Variants in SLC15A5 observed in about 807,000 individuals in gnomAD.
The protein encoded by SLC15A5 is Peptide/histidine transporter ENSP00000340402.
In SLC15A5, 58 loss-of-function variants were observed where a neutral mutation model predicts 56.1. That is an observed-to-expected ratio of 1.03 (90% confidence interval 0.84 to 1.29). The LOEUF (loss-of-function observed/expected upper bound fraction) is 1.29. Ranked by LOEUF, SLC15A5 falls within the 50% of genes most tolerant of loss-of-function variation. The probability of loss-of-function intolerance (pLI) is 0.00; values close to 1 mark genes in which losing one functional copy is unlikely to be tolerated. For synonymous variants in SLC15A5, 264 were observed against 250.5 expected (o/e 1.05, Z -0.51); for missense variants, 681 against 672.1 (o/e 1.01, Z -0.15).
chr12:16,273,580 T>A (rs1591664105), intron 1 of SLC15A5, among the ~76,000 whole-genome samples: 1 of 152,086 alleles, frequency 6.6e-6, no homozygotes, highest in South Asian at 2.1e-4. Flanking sequence ...TGTTTCATCT[T>A]GGAAAAACTT....
chr12:16,242,487 A>G (rs1864422875), intron 4 of SLC15A5, among the ~76,000 whole-genome samples: 1 of 152,212 alleles, frequency 6.6e-6, no homozygotes, highest in Admixed American at 6.5e-5. Flanking sequence ...ACAAGTTGCA[A>G]CTTAGTTTCT....
Position 16,217,029 on chromosome 12 carries a change from G to C in SLC15A5, c.1352-5C>G, listed in dbSNP as rs1388022386. The C allele has an allele frequency of 1.3e-6, 2 of 1,528,128 alleles. No individual in the cohort carries two copies. Among genetic ancestry groups the C allele is most frequent in the Non-Finnish European group, 1.7e-6 (2 of 1,144,300 alleles). The allele number at this position is 1,528,128 out of a possible 1,614,324, so 94.7% of individuals were successfully genotyped here. ...ATCTGTATGATATTACAGAGACTGA[G>C]AGAAAAAGAGAGGTCAGAATTTAGA... is the stretch of plus-strand genomic sequence containing the variant. On this transcript the variant is annotated splice_region_variant and splice_polypyrimidine_tract_variant and intron_variant, in intron 6 of 8. Transcript: ENST00000344941.
intron 2 of SLC15A5, among the ~76,000 whole-genome samples, chr12:16,268,601 C>G (rs943521935): frequency 3.9e-5 from 6 of 151,974 alleles, no homozygotes; most frequent in Non-Finnish European, 7.4e-5. Flanking sequence ...ATATTTTTTT[C>G]TCTCTCTTTT....
intron 7 of SLC15A5, among the ~76,000 whole-genome samples, chr12:16,208,848 C>T (rs1864048155): frequency 6.6e-6 from 1 of 152,084 alleles, no homozygotes; most frequent in South Asian, 2.1e-4. Flanking sequence ...ATAGGACATT[C>T]TTAAAGACCA....
At chr12:16,239,528 G>A (rs994182741) in intron 5 of SLC15A5, among the ~76,000 whole-genome samples, 153 bp downstream of exon 5, 3 of 152,148 alleles carry the variant, frequency 2.0e-5, no homozygotes, top group South Asian at 2.1e-4. Context: ...TAGAGATTTC[G>A]GAAGATGGGT....
intron 2 of SLC15A5, among the ~76,000 whole-genome samples, chr12:16,259,298 C>A (rs899113084): frequency 1.3e-5 from 2 of 151,322 alleles, no homozygotes; most frequent in Middle Eastern, 6.8e-3. Context: ...CTCCCCTTTT[C>A]TTTTTCCTTT....
chr12:16,248,668 A>G (rs1386038093), intron 3 of SLC15A5, among the ~76,000 whole-genome samples: 2 of 152,156 alleles, frequency 1.3e-5, no homozygotes, highest in Non-Finnish European at 2.9e-5. Flanking sequence ...TCTAAACATC[A>G]TACCACTTCC....
intron 7 of SLC15A5, among the ~76,000 whole-genome samples, chr12:16,207,599 A>C (rs566028896): frequency 6.6e-6 from 1 of 151,898 alleles, no homozygotes; most frequent in Admixed American, 6.5e-5. Flanking sequence ...ATCACTCTTC[A>C]TGATCACCAA....
intron 4 of SLC15A5, 141 bp from the exon 5 acceptor site, chr12:16,240,008 A>G (rs554046904): frequency 5.6e-5 from 41 of 730,016 alleles, no homozygotes; most frequent in Admixed American, 2.0e-4. Flanking sequence ...GTTCCCAGTT[A>G]TGAGCTGATA....
intron 7 of SLC15A5, among the ~76,000 whole-genome samples, chr12:16,195,210 T>TCTCTGCCTCTGTCTCTGTCCCTGC (rs1863882051): frequency 6.6e-6 from 1 of 152,052 alleles, no homozygotes; most frequent in South Asian, 2.1e-4. Context: ...TCTATCTCTG[T>TCTCTGCCTCTGTCTCTGTCCCTGC]CTCTGCCTCT....
intron 6 of SLC15A5, among the ~76,000 whole-genome samples, chr12:16,217,908 A>G (rs545745588): frequency 1.3e-5 from 2 of 152,112 alleles, no homozygotes; most frequent in Non-Finnish European, 2.9e-5. Flanking sequence ...CACGAAAAAA[A>G]TTTTTTTAAA....
intron 7 of SLC15A5, among the ~76,000 whole-genome samples, chr12:16,195,025 G>C (rs1863879679): frequency 6.6e-6 from 1 of 151,930 alleles, no homozygotes; most frequent in South Asian, 2.1e-4. Flanking sequence ...CTAACATGGA[G>C]ATTTTCTTTT....
chr12:16,249,315 G>T (rs1864497232), intron 3 of SLC15A5, among the ~76,000 whole-genome samples: 1 of 152,024 alleles, frequency 6.6e-6, no homozygotes, highest in African/African-American at 2.4e-5. Context: ...CTGTGGCTTT[G>T]AATTACAGCT....
intron 5 of SLC15A5, among the ~76,000 whole-genome samples, chr12:16,228,919 G>A (rs779898161): frequency 1.1e-4 from 16 of 152,100 alleles, no homozygotes; most frequent in Non-Finnish European, 1.8e-4. Flanking sequence ...AAAGTTACAC[G>A]TAGATTTTTG....
At chr12:16,245,894 A>G (rs948575270) in intron 3 of SLC15A5, among the ~76,000 whole-genome samples, 1 of 152,228 alleles carries the variant, frequency 6.6e-6, no homozygotes, top group Non-Finnish European at 1.5e-5. Context: ...TAAATAAAGA[A>G]TATGTATTAA....
At chr12:16,191,201 T>A (rs968004463) in intron 8 of SLC15A5, among the ~76,000 whole-genome samples, 2 of 152,130 alleles carry the variant, frequency 1.3e-5, no homozygotes, top group African/African-American at 4.8e-5. Context: ...TATTTATGGA[T>A]AATTCCTAGC....
At chr12:16,238,887 C>T (rs1285638166) in intron 5 of SLC15A5, among the ~76,000 whole-genome samples, 4 of 152,186 alleles carry the variant, frequency 2.6e-5, no homozygotes, top group South Asian at 2.1e-4. Flanking sequence ...GTCTGGACTA[C>T]GTTCTGGGCA....
chr12:16,195,186 GC>G (rs1863881822), intron 7 of SLC15A5, among the ~76,000 whole-genome samples: 1 of 151,952 alleles, frequency 6.6e-6, no homozygotes, highest in South Asian at 2.1e-4. Flanking sequence ...TTGGAGCTGT[GC>G]TATAACTCTA....
chr12:16,224,414 G>A lies in SLC15A5; in HGVS notation c.1351C>T (p.Leu451Phe), dbSNP rs867519711. 3.9e-6 allele frequency: 6 copies of A among 1,536,664 alleles called. No homozygotes were observed. Among genetic ancestry groups the A allele is most frequent in the Middle Eastern group, 1.7e-4 (1 of 6,012 alleles). ...GVAETLVNPA[L>F]SVISYRFVPS... ...ATTAGTTGAAAAGGTGTTTACTCAC[G>A]GGCTGGGTTTACCAGTGTTTCCGCC... The change falls in exon 6 of 9, where the codon CTC becomes TTC. Residue 451 changes from leucine (L) to phenylalanine (F), a missense_variant and splice_region_variant. Physicochemically the swap from Leu to Phe is conservative, Grantham distance 22 (BLOSUM62 0). Coordinates refer to ENST00000344941, the MANE Select transcript of SLC15A5 (RefSeq NM_001170798.1).
Sources: allele counts gnomAD v4.1 joint callset (sites outside exome capture counted in the v4.1 genomes callset), GRCh38; gene constraint gnomAD v4.1.1; transcripts MANE v1.5; gene names NCBI Gene and HGNC (gene_info 2026-07-23, HGNC 2026-07-21).